Variants in SF3A3 observed in about 807,000 individuals in gnomAD.
SF3A3 encodes the protein SAP 61.
A neutral mutation model predicts 85.8 loss-of-function variants in SF3A3; 9 were observed. The observed-to-expected ratio is 0.10, with a 90% CI of 0.06 to 0.18. The LOEUF is 0.18. SF3A3 is among the 10% of genes least tolerant of loss of function. The probability of loss-of-function intolerance (pLI) is 1.00; values close to 1 mark genes in which losing one functional copy is unlikely to be tolerated. For missense variants in SF3A3, 306 were observed against 593.3 expected, an observed-to-expected ratio of 0.52 and a Z score of 5.03; for synonymous variants, 195 against 204.4, an observed-to-expected ratio of 0.95 and a Z score of 0.39.
At chr1:37,974,816 T>G (rs1258918763) in intron 12 of SF3A3, among the ~76,000 whole-genome samples, 2 of 152,346 alleles carry the variant, frequency 1.3e-5, no homozygotes, top group East Asian at 3.9e-4. Flanking sequence ...CCCTCCCTCA[T>G]AAGCCATATT....
At chr1:37,965,361 TTG>T (rs1179674221) in intron 15 of SF3A3, among the ~76,000 whole-genome samples, 1 of 1,724 alleles carries the variant, frequency 5.8e-4, no homozygotes, top group African/African-American at 0.015. Flanking sequence ...CTTGCTTTCT[TTG>T]TCATAAGAAG....
chr1:37,983,139 T>C (rs1401216217), intron 6 of SF3A3, among the ~76,000 whole-genome samples: 1 of 151,154 alleles, frequency 6.6e-6, no homozygotes, highest in Non-Finnish European at 1.5e-5. Flanking sequence ...GGTTTCTCCA[T>C]GTTGGTCAGG....
Position 37,970,295 on chromosome 1 carries a change from A to G in SF3A3, c.1006-560T>C, listed in dbSNP as rs1393803027. Among the ~76,000 whole-genome samples, 21 of 134,190 alleles carry G rather than the reference A, an allele frequency of 1.6e-4. No homozygotes were observed. The South Asian group carries it at 4.6e-3, about 29-fold the overall frequency. 88.0% of individuals were successfully genotyped at this position (134,190 alleles called of 152,430 possible). On this transcript the variant is annotated intron_variant, in intron 12 of 16. Transcript: ENST00000373019. ...ACTCCAGCCTGGGCGACAGAGTGAG[A>G]CTCCTTCTCAAAAAAAAAAAAAAAA...
intron 12 of SF3A3, among the ~76,000 whole-genome samples, chr1:37,973,615 G>A (rs1258009490): frequency 1.3e-5 from 2 of 152,184 alleles, no homozygotes; most frequent in African/African-American, 2.4e-5. Context: ...AAACAGGAAC[G>A]CTTTTACACT....
intron 1 of SF3A3, 129 bp downstream of exon 1, chr1:37,989,741 A>G: frequency 8.1e-7 from 1 of 1,229,386 alleles, no homozygotes; most frequent in Non-Finnish European, 1.2e-6. Context: ...GAGGTTACCA[A>G]GACCGGAGCT....
intron 12 of SF3A3, among the ~76,000 whole-genome samples, chr1:37,971,216 T>C (rs1411200836): frequency 2.0e-5 from 3 of 147,662 alleles, no homozygotes. Flanking sequence ...CATCAGAGAA[T>C]ACTATAAACA....
At chr1:37,975,938 C>T (rs1442709705) in intron 12 of SF3A3, among the ~76,000 whole-genome samples, 1 of 152,098 alleles carries the variant, frequency 6.6e-6, no homozygotes, top group African/African-American at 2.4e-5. Flanking sequence ...AAGCGGATCA[C>T]GAGGTCAGGA....
At chr1:37,974,018 G>A (rs944559576) in intron 12 of SF3A3, among the ~76,000 whole-genome samples, 70 of 152,088 alleles carry the variant, frequency 4.6e-4, no homozygotes, top group African/African-American at 1.6e-3. Context: ...ACTCATAGGT[G>A]GGAATTGAAC....
chr1:37,983,067 T>A (rs1371747062), intron 6 of SF3A3, among the ~76,000 whole-genome samples: 1 of 151,690 alleles, frequency 6.6e-6, no homozygotes. Flanking sequence ...GCCTCCTGAG[T>A]AGCTAGGATT....
Position 37,966,827 on chromosome 1 carries a change from C to T in SF3A3, c.1372+1217G>A, listed in dbSNP as rs944938413. ...GCGCATACTTGTAATCCCAGCTACT[C>T]GGGAGGCTGAGGCAGGAGAATCGCT... On this transcript the variant is annotated intron_variant, in intron 15 of 16. Transcript: ENST00000373019. Among the ~76,000 whole-genome samples the T allele has an allele frequency of 4.6e-5, 6 of 130,858 alleles. No homozygotes were observed. In the South Asian group the frequency reaches 8.0e-4, roughly 17 times the overall value. The allele number at this position is 130,858 out of a possible 152,430, so 85.8% of individuals were successfully genotyped here. A position where few individuals can be genotyped will look rare whatever the true frequency, so the allele number is the denominator to read the frequency against.
At chr1:37,963,024 G>A (rs989206170) in intron 15 of SF3A3, among the ~76,000 whole-genome samples, 2 of 151,608 alleles carry the variant, frequency 1.3e-5, no homozygotes, top group Admixed American at 6.6e-5. Flanking sequence ...GGAGGTGGAG[G>A]TTGCAATGAG....
chr1:37,958,778 A>C (rs980233408), intron 16 of SF3A3, among the ~76,000 whole-genome samples: 12 of 152,180 alleles, frequency 7.9e-5, no homozygotes, highest in African/African-American at 2.7e-4. Context: ...AAAAGAAAAA[A>C]AATACTGAAA....
At chr1:37,979,581 T>C (rs1483725916) in intron 8 of SF3A3, 48 bp from the exon 9 acceptor site, 3 of 1,482,400 alleles carry the variant, frequency 2.0e-6, no homozygotes, top group Non-Finnish European at 2.8e-6. Context: ...TTAGGCCAGG[T>C]GTGGTGGCTC....
At chr1:37,970,304 CAAAAAAA>C (rs35452372) in intron 12 of SF3A3, among the ~76,000 whole-genome samples, 1 of 103,466 alleles carries the variant, frequency 9.7e-6, no homozygotes, top group African/African-American at 3.2e-5. Flanking sequence ...GACTCCTTCT[CAAAAAAA>C]AAAAAAAAAA....
chr1:37,957,017 G>A lies in SF3A3; in HGVS notation c.*1169C>T, dbSNP rs1052095647. ...TTTATTAAAAAACAGTTGAAGGTCT[G>A]AGTGTTGAGAGGCAAATGGGGTCTC... On this transcript the variant is annotated 3_prime_UTR_variant, in exon 17 of 17. Transcript: ENST00000373019. The A allele has an allele frequency of 1.3e-5, 2 of 152,210 alleles. No individual in the cohort carries two copies. The highest frequency in any genetic ancestry group is 4.8e-5 in the African/African-American group (2 of 41,452). 9.4% of individuals were successfully genotyped at this position (152,210 alleles called of 1,614,324 possible). A position where few individuals can be genotyped will look rare whatever the true frequency, so the allele number is the denominator to read the frequency against.
chr1:37,986,738 G>A (rs916412886), intron 4 of SF3A3, among the ~76,000 whole-genome samples: 1 of 150,084 alleles, frequency 6.7e-6, no homozygotes, highest in Non-Finnish European at 1.5e-5. Flanking sequence ...CATGAACTCG[G>A]GAGGTGGAGC....
intron 15 of SF3A3, among the ~76,000 whole-genome samples, chr1:37,965,859 T>C (rs754105096): frequency 2.0e-5 from 3 of 152,160 alleles, no homozygotes; most frequent in Non-Finnish European, 4.4e-5. Context: ...ACCTTACTTC[T>C]GTCTAATCAG....
At chr1:37,988,893 A>AT (rs1292574097) in intron 2 of SF3A3, among the ~76,000 whole-genome samples, 184 of 147,726 alleles carry the variant, frequency 1.2e-3, no homozygotes, top group South Asian at 4.2e-3. Context: ...ATATATATAT[A>AT]TATTTTTTTT....
At chr1:37,962,460 G>A (rs1646267883) in intron 15 of SF3A3, among the ~76,000 whole-genome samples, 1 of 151,270 alleles carries the variant, frequency 6.6e-6, no homozygotes, top group African/African-American at 2.4e-5. Flanking sequence ...AAAATTAACT[G>A]GGCATGGTGG....
Sources: gnomAD v4.1 joint callset for allele counts (sites outside exome capture counted in the v4.1 genomes callset) on GRCh38, gnomAD v4.1.1 for gene constraint, MANE v1.5 for transcripts, NCBI Gene and HGNC (gene_info 2026-07-23, HGNC 2026-07-21) for gene names.